Variants in CHST9 observed in about 807,000 individuals in gnomAD.
CHST9 encodes GalNAc-4-sulfotransferase 2.
A neutral mutation model predicts 44.4 loss-of-function variants in CHST9; 41 were observed. The ratio of observed to expected loss-of-function variants is 0.92; its 90% CI spans 0.72 to 1.20. CHST9 has a LOEUF of 1.20. CHST9 is among the 50% of genes most tolerant of loss of function. The pLI is 0.00. For synonymous variants in CHST9, 171 were observed against 178.4 expected, an observed-to-expected ratio of 0.96 and a Z score of 0.33; for missense variants, 504 against 516.5, an observed-to-expected ratio of 0.98 and a Z score of 0.23.
chr18:26,943,774 A>T (rs902248654), intron 5 of CHST9, among the ~76,000 whole-genome samples: 4 of 152,216 alleles, frequency 2.6e-5, no homozygotes, highest in Non-Finnish European at 5.9e-5. Flanking sequence ...CCATCTACCT[A>T]GAAATACAAA....
chr18:27,009,718 T>C (rs552128161), intron 4 of CHST9, among the ~76,000 whole-genome samples: 47 of 152,364 alleles, frequency 3.1e-4, no homozygotes, highest in Non-Finnish European at 4.1e-4. Context: ...TGTGGCTCTG[T>C]TGAAAAGGGT....
At chr18:26,981,032 G>C (rs1366848571) in intron 4 of CHST9, among the ~76,000 whole-genome samples, 1 of 152,148 alleles carries the variant, frequency 6.6e-6, no homozygotes, top group African/African-American at 2.4e-5. Flanking sequence ...AGAGTTCTGT[G>C]ATGTTGATGG....
chr18:27,089,124 T>G (rs2058041590), intron 2 of CHST9, among the ~76,000 whole-genome samples: 1 of 152,124 alleles, frequency 6.6e-6, no homozygotes, highest in African/African-American at 2.4e-5. Context: ...TTTCTTCCTC[T>G]TTTTCTCTTT....
intron 1 of CHST9, among the ~76,000 whole-genome samples, chr18:27,172,684 G>C (rs981567699): frequency 6.6e-6 from 1 of 151,902 alleles, no homozygotes; most frequent in African/African-American, 2.4e-5. Context: ...GATAGTGTAG[G>C]CTGGCAGTAT....
intron 2 of CHST9, among the ~76,000 whole-genome samples, chr18:27,084,528 A>T (rs1367752140): frequency 6.8e-6 from 1 of 146,360 alleles, no homozygotes; most frequent in Non-Finnish European, 1.5e-5. Flanking sequence ...TGTTTGTTTC[A>T]GTCTTCTCTC....
intron 1 of CHST9, among the ~76,000 whole-genome samples, chr18:27,144,515 C>A (rs545076536): frequency 6.6e-6 from 1 of 152,056 alleles, no homozygotes; most frequent in South Asian, 2.1e-4. Flanking sequence ...CCTGTCTCTA[C>A]AAAAAATAAA....
chr18:27,153,497 T>C (rs1163111449), intron 1 of CHST9, among the ~76,000 whole-genome samples: 1 of 151,740 alleles, frequency 6.6e-6, no homozygotes, highest in African/African-American at 2.4e-5. Context: ...TTGCTTTCTC[T>C]TTGTCTCTGT....
Position 26,910,292 on chromosome 18 carries a change from T to C in CHST9, c.*5967A>G, listed in dbSNP as rs1304938087. ...TAGGACCAAAGGGCAAGCAGCACTG[T>C]GAGCAAGGATATGGAAACCCGGAAT... On this transcript the variant is annotated 3_prime_UTR_variant, in exon 6 of 6. Coordinates refer to ENST00000618847, the MANE Select transcript of CHST9 (RefSeq NM_031422.6). 3 of 147,340 alleles carry C rather than the reference T, an allele frequency of 2.0e-5. No homozygotes were observed. The highest frequency in any genetic ancestry group is 5.1e-5 in the African/African-American group (2 of 39,412). The allele number at this position is 147,340 out of a possible 1,614,324, so 9.1% of individuals were successfully genotyped here. A position where few individuals can be genotyped will look rare whatever the true frequency, so the allele number is the denominator to read the frequency against.
chr18:27,152,797 C>T (rs114865772), intron 1 of CHST9, among the ~76,000 whole-genome samples: 2,701 of 151,280 alleles, frequency 0.018, 67 homozygotes, highest in African/African-American at 0.06. Context: ...GATTTTTCTG[C>T]GGTGGTACAA....
At chr18:27,180,553 T>TG (rs2058903863) in intron 1 of CHST9, among the ~76,000 whole-genome samples, 1 of 152,120 alleles carries the variant, frequency 6.6e-6, no homozygotes, top group Non-Finnish European at 1.5e-5. Context: ...GACTATCACA[T>TG]ATTAGTTGAT....
chr18:26,926,680 A>G (rs968481868), intron 5 of CHST9, among the ~76,000 whole-genome samples: 1 of 152,230 alleles, frequency 6.6e-6, no homozygotes, highest in African/African-American at 2.4e-5. Flanking sequence ...CCAGTTCTCT[A>G]ATTCTAACCC....
At chr18:27,092,086 G>C (rs538951695) in intron 2 of CHST9, among the ~76,000 whole-genome samples, 1 of 152,096 alleles carries the variant, frequency 6.6e-6, no homozygotes, top group Non-Finnish European at 1.5e-5. Context: ...ACTTTTTTTG[G>C]TTGGTAGGCT....
intron 4 of CHST9, among the ~76,000 whole-genome samples, chr18:27,000,654 A>ATCTATCTATCTATCTATCTATCTC (rs1555675570): frequency 2.0e-5 from 3 of 150,310 alleles, no homozygotes; most frequent in African/African-American, 4.9e-5. Context: ...CTATCTATCT[A>ATCTATCTATCTATCTATCTATCTC]TCTCTCTATC....
chr18:27,131,748 C>A (rs1174214610), intron 2 of CHST9, among the ~76,000 whole-genome samples: 1 of 152,084 alleles, frequency 6.6e-6, no homozygotes, highest in Non-Finnish European at 1.5e-5. Context: ...ATAAATAAGA[C>A]CTAAGGCCAT....
At chr18:27,149,030 G>A (rs1328837048) in intron 1 of CHST9, among the ~76,000 whole-genome samples, 1 of 131,124 alleles carries the variant, frequency 7.6e-6, no homozygotes, top group Non-Finnish European at 1.7e-5. Flanking sequence ...ATTTTTTCAT[G>A]TGTTTTTTGG....
chr18:26,987,132 C>T (rs909478191), intron 4 of CHST9, among the ~76,000 whole-genome samples: 1 of 152,148 alleles, frequency 6.6e-6, no homozygotes, highest in African/African-American at 2.4e-5. Flanking sequence ...GCCGATCCTT[C>T]ATGAATGGCT....
intron 2 of CHST9, among the ~76,000 whole-genome samples, chr18:27,052,334 G>A (rs954915279): frequency 4.0e-5 from 6 of 149,806 alleles, no homozygotes; most frequent in Non-Finnish European, 5.9e-5. Context: ...ATATATGTGT[G>A]TATATATATT....
intron 3 of CHST9, among the ~76,000 whole-genome samples, chr18:27,046,443 G>A (rs962280455): frequency 1.3e-5 from 2 of 151,868 alleles, no homozygotes; most frequent in East Asian, 1.9e-4. Flanking sequence ...CCTAATATTG[G>A]TCTTTCTTAG....
At chr18:27,149,891 A>G (rs1002133641) in intron 1 of CHST9, among the ~76,000 whole-genome samples, 2 of 151,474 alleles carry the variant, frequency 1.3e-5, no homozygotes, top group Non-Finnish European at 2.9e-5. Flanking sequence ...TTCAAGTTTC[A>G]TTTTTCTTTG....
Sources: gnomAD v4.1 joint callset for allele counts (sites outside exome capture counted in the v4.1 genomes callset) on GRCh38, gnomAD v4.1.1 for gene constraint, MANE v1.5 for transcripts, NCBI Gene and HGNC (gene_info 2026-07-23, HGNC 2026-07-21) for gene names.